The following ERLEC1 variants were observed in gnomAD, a reference collection of about 807,000 sequenced individuals.
ERLEC1 encodes the protein ER lectin.
A neutral mutation model predicts 68.0 loss-of-function variants in ERLEC1; 47 were observed. That is an observed-to-expected ratio of 0.69 (90% CI 0.55 to 0.88). The LOEUF is 0.88. ERLEC1 is among the 40% of genes least tolerant of loss of function. The pLI is 0.00. For synonymous variants in ERLEC1, 225 were observed against 203.2 expected (o/e 1.11, Z -0.91); for missense variants, 567 against 583.8 (o/e 0.97, Z 0.30).
intron 6 of ERLEC1, 36 bp downstream of exon 6, chr2:53,799,117 CTTA>C (rs750598014): frequency 3.8e-6 from 6 of 1,584,222 alleles, no homozygotes; most frequent in Non-Finnish European, 5.2e-6. Flanking sequence ...CCTCTTAACA[CTTA>C]TTGTTAGTGA....
intron 8 of ERLEC1, among the ~76,000 whole-genome samples, chr2:53,804,683 A>G (rs553613610): frequency 2.6e-5 from 4 of 152,132 alleles, no homozygotes; most frequent in Non-Finnish European, 5.9e-5. Context: ...CAAACAATCC[A>G]ATGAGACTCT....
intron 1 of ERLEC1, among the ~76,000 whole-genome samples, chr2:53,792,239 G>A (rs961356471): frequency 1.4e-5 from 2 of 142,654 alleles, no homozygotes; most frequent in Non-Finnish European, 3.0e-5. Context: ...TTTTTAATAA[G>A]TTGCCCAGGC....
chr2:53,801,379 A>G lies in ERLEC1; in HGVS notation c.526-18A>G. On this transcript the variant is annotated intron_variant, in intron 6 of 13. Transcript: ENST00000185150. ...CCATGTCTAATGAAAAGTCTGTCTTATACTCTTTTTTTTTAAGATTCCCAC... is the reference window on the plus strand; with the variant it reads ...CCATGTCTAATGAAAAGTCTGTCTTGTACTCTTTTTTTTTAAGATTCCCAC... 1 of 1,600,422 alleles carries G rather than the reference A, an allele frequency of 6.2e-7. No individual in the cohort carries two copies. Among genetic ancestry groups the G allele is most frequent in the Non-Finnish European group, 8.6e-7 (1 of 1,168,058 alleles).
intron 9 of ERLEC1, among the ~76,000 whole-genome samples, chr2:53,808,906 G>C (rs1352990985): frequency 6.6e-6 from 1 of 152,130 alleles, no homozygotes; most frequent in Non-Finnish European, 1.5e-5. Flanking sequence ...TGGGATTACA[G>C]GCGTGAGCCA....
At chr2:53,813,664 A>G (rs959332736) in intron 11 of ERLEC1, among the ~76,000 whole-genome samples, 4 of 152,290 alleles carry the variant, frequency 2.6e-5, no homozygotes, top group East Asian at 1.9e-4. Context: ...TATGTTTTCA[A>G]TTATTCCTTC....
In ERLEC1 at chr2:53,809,224, G is replaced by C; in HGVS notation, c.1052G>C (p.Trp351Ser). The change falls in exon 10 of 14, where the codon TGG becomes TCG. Residue 351 changes from tryptophan to serine, a missense_variant. By Grantham distance (177) the Trp-to-Ser change is radical. Transcript: ENST00000185150. The stretch of plus-strand genomic sequence containing the variant: ...TTTCTTTTTTTTTAGGGTGTCGGTT[G>C]GTGGAAATATGAATTCTGCTATGGC... ...GSYCFRGGVGWWKYEFCYGKH... is the reference protein window; with the variant it reads ...GSYCFRGGVGSWKYEFCYGKH... 1 of 1,580,598 alleles carries C rather than the reference G, an allele frequency of 6.3e-7. No homozygotes were observed. The highest frequency in any genetic ancestry group is 8.5e-7 in the Non-Finnish European group (1 of 1,170,344).
In ERLEC1 at chr2:53,804,554, GC is replaced by G. The variant is rs1355384368; in HGVS notation, c.879+2713del. 5.3e-5 allele frequency among the ~76,000 whole-genome samples: 8 copies of G among 152,244 alleles called. No homozygotes were observed. In the South Asian group the frequency reaches 1.7e-3, roughly 32 times the overall value. On this transcript the variant is annotated intron_variant, in intron 8 of 13. Coordinates refer to ENST00000185150, the MANE Select transcript of ERLEC1 (RefSeq NM_015701.5). ...GCCTTCCACAGTGCTGGGATTACAGGCATGAGCCACCACGTGTGGCCGGGTA... is the reference window on the plus strand; with the variant it reads ...GCCTTCCACAGTGCTGGGATTACAGGATGAGCCACCACGTGTGGCCGGGTA...
At chr2:53,791,010 T>C (rs1323204708) in intron 1 of ERLEC1, among the ~76,000 whole-genome samples, 3 of 152,226 alleles carry the variant, frequency 2.0e-5, no homozygotes, top group African/African-American at 4.8e-5. Context: ...GAATATATTT[T>C]ACTCAGATTT....
chr2:53,801,683 T>C, intron 7 of ERLEC1, 30 bp from the exon 8 acceptor site: 1 of 1,613,726 alleles, frequency 6.2e-7, no homozygotes, highest in Non-Finnish European at 8.5e-7. Flanking sequence ...GTTCTGTGCA[T>C]AGCTTTAATG....
chr2:53,815,128 C>T (rs919658192), intron 13 of ERLEC1, among the ~76,000 whole-genome samples, 193 bp downstream of exon 13: 1 of 151,224 alleles, frequency 6.6e-6, no homozygotes, highest in Non-Finnish European at 1.5e-5. Flanking sequence ...GCCTCAGCCT[C>T]CCGAGTAACT....
intron 11 of ERLEC1, among the ~76,000 whole-genome samples, chr2:53,814,109 G>T (rs1676734244): frequency 6.6e-6 from 1 of 152,198 alleles, no homozygotes; most frequent in African/African-American, 2.4e-5. Flanking sequence ...GAGATTGACA[G>T]TTTGGCCTAG....
At chr2:53,799,201 T>C (rs898680374) in intron 6 of ERLEC1, 120 bp downstream of exon 6, 5 of 811,620 alleles carry the variant, frequency 6.2e-6, no homozygotes, top group Non-Finnish European at 9.7e-6. Flanking sequence ...TCAAATACCT[T>C]GAAGGACTGG....
At chr2:53,810,635 A>C (rs1676542203) in intron 10 of ERLEC1, among the ~76,000 whole-genome samples, 2 of 152,208 alleles carry the variant, frequency 1.3e-5, no homozygotes, top group Non-Finnish European at 1.5e-5. Context: ...GCCCACTCAT[A>C]ATGTTTTGAA....
intron 8 of ERLEC1, among the ~76,000 whole-genome samples, chr2:53,803,730 A>G (rs1251854273): frequency 6.6e-6 from 1 of 152,164 alleles, no homozygotes. Context: ...AACCTGGGTA[A>G]AAAGAGTGAG....
intron 10 of ERLEC1, among the ~76,000 whole-genome samples, chr2:53,812,219 G>A (rs1676627983): frequency 6.6e-6 from 1 of 151,976 alleles, no homozygotes; most frequent in Non-Finnish European, 1.5e-5. Context: ...CCCAGCCAGG[G>A]GTTTTTAATT....
Position 53,813,053 on chromosome 2 carries a change from C to T in ERLEC1, c.1206C>T (p.Asp402=), listed in dbSNP as rs145172727. Residue 402 remains aspartate (D), a synonymous_variant, in exon 11 of 14, where the codon GAC becomes GAT. Coordinates refer to ENST00000185150, the MANE Select transcript of ERLEC1 (RefSeq NM_015701.5). ...CTGCTAGAGCTTATCATCTTCAAGACGATGGTACCCAGACAGTCAGGTAAA... is the reference window on the plus strand; with the variant it reads ...CTGCTAGAGCTTATCATCTTCAAGATGATGGTACCCAGACAGTCAGGTAAA... ...KNTARAYHLQ[D]DGTQTVRMVS... 5.3e-5 allele frequency: 86 copies of T among 1,611,796 alleles called. No homozygotes were observed. The African/African-American group carries it at 6.6e-4, about 12-fold the overall frequency.
At chr2:53,806,848 C>T (rs1469838589) in intron 8 of ERLEC1, among the ~76,000 whole-genome samples, 1 of 152,144 alleles carries the variant, frequency 6.6e-6, no homozygotes, top group Non-Finnish European at 1.5e-5. Context: ...AAATTCAGGT[C>T]TACATTCATT....
Position 53,801,509 on chromosome 2 carries a change from AC to A in ERLEC1, c.639del (p.Tyr213Ter). 1 of 1,614,132 alleles carries A rather than the reference AC, an allele frequency of 6.2e-7. No homozygotes were observed. The highest frequency in any genetic ancestry group is 8.5e-7 in the Non-Finnish European group (1 of 1,179,980). On this transcript the variant is annotated frameshift_variant, in exon 7 of 14. Coordinates refer to ENST00000185150, the MANE Select transcript of ERLEC1 (RefSeq NM_015701.5). LOFTEE classifies it high-confidence loss of function. The stretch of plus-strand genomic sequence containing the variant: ...CGGCCCAGATCAAGTACTGTGATGT[AC>A]ATATGTCATCCTGAATCTAAGCATG... ...QNRPRSSTVM[Y>X]ICHPESKHEI...
intron 10 of ERLEC1, among the ~76,000 whole-genome samples, chr2:53,809,621 A>C (rs1676481799): frequency 6.6e-6 from 1 of 152,134 alleles, no homozygotes; most frequent in African/African-American, 2.4e-5. Flanking sequence ...GTGGTGCCGC[A>C]TGCCTGGAAT....
Sources: gnomAD v4.1 joint callset for allele counts (sites outside exome capture counted in the v4.1 genomes callset) on GRCh38, gnomAD v4.1.1 for gene constraint, MANE v1.5 for transcripts, NCBI Gene and HGNC (gene_info 2026-07-23, HGNC 2026-07-21) for gene names.